LDB2: variants seen among roughly 807,000 people sequenced by gnomAD.
LDB2 encodes LIM domain-binding protein 2.
In LDB2, 12 loss-of-function variants were observed where a neutral mutation model predicts 44.3. The observed-to-expected ratio is 0.27, with a 90% CI of 0.17 to 0.44. The LOEUF (loss-of-function observed/expected upper bound fraction) is 0.44, where lower values mean the gene tolerates loss of function less well. Ranked by LOEUF, LDB2 falls within the 20% of genes least tolerant of loss-of-function variation. The probability of loss-of-function intolerance (pLI) is 1.00; values close to 1 mark genes in which losing one functional copy is unlikely to be tolerated. For missense variants in LDB2, 344 were observed against 473.5 expected (o/e 0.73, Z 2.54); for synonymous variants, 164 against 174.8 (o/e 0.94, Z 0.49).
chr4:16,661,140 A>G (rs1287088290), intron 2 of LDB2, among the ~76,000 whole-genome samples: 1 of 152,190 alleles, frequency 6.6e-6, no homozygotes, highest in East Asian at 1.9e-4. Context: ...AGTACATTGT[A>G]CAAGATTCAT....
intron 2 of LDB2, among the ~76,000 whole-genome samples, chr4:16,663,864 A>G (rs182945987): frequency 2.0e-5 from 3 of 152,308 alleles, no homozygotes; most frequent in East Asian, 3.9e-4. Context: ...AATGAGTAGA[A>G]TCTGTCTTTT....
intron 5 of LDB2, among the ~76,000 whole-genome samples, chr4:16,546,260 T>G (rs1735695564): frequency 6.6e-6 from 1 of 152,230 alleles, no homozygotes. Context: ...GATAGCCATT[T>G]TGCATTTAAG....
At chr4:16,520,865 ACCATTCAAGGCC>A (rs1457633984) in intron 5 of LDB2, among the ~76,000 whole-genome samples, 1 of 152,030 alleles carries the variant, frequency 6.6e-6, no homozygotes, top group Admixed American at 6.6e-5. Context: ...CCATGAAGAG[ACCATTCAAGGCC>A]CCTTCTGTTC....
intron 2 of LDB2, among the ~76,000 whole-genome samples, chr4:16,645,139 G>C (rs1479334048): frequency 6.6e-6 from 1 of 152,208 alleles, no homozygotes; most frequent in African/African-American, 2.4e-5. Context: ...ACACCTTTTA[G>C]GCAAAAGATC....
At chr4:16,526,048 T>G (rs957875777) in intron 5 of LDB2, among the ~76,000 whole-genome samples, 1 of 152,200 alleles carries the variant, frequency 6.6e-6, no homozygotes, top group Non-Finnish European at 1.5e-5. Context: ...GGTGTCAACT[T>G]GACTGGATTA....
At chr4:16,619,298 C>A (rs1728210288) in intron 2 of LDB2, among the ~76,000 whole-genome samples, 1 of 152,130 alleles carries the variant, frequency 6.6e-6, no homozygotes, top group Admixed American at 6.5e-5. Context: ...AGGCTACAGA[C>A]CCTGATCAGG....
intron 5 of LDB2, among the ~76,000 whole-genome samples, chr4:16,581,049 A>G (rs994154878): frequency 1.3e-5 from 2 of 152,220 alleles, no homozygotes; most frequent in Non-Finnish European, 2.9e-5. Context: ...TGATGAAATG[A>G]AAGCGAAGAA....
At chr4:16,571,872 G>A (rs1207665128) in intron 5 of LDB2, among the ~76,000 whole-genome samples, 1 of 152,164 alleles carries the variant, frequency 6.6e-6, no homozygotes, top group Non-Finnish European at 1.5e-5. Flanking sequence ...TCTAGATCAA[G>A]ACCAGGGACA....
intron 2 of LDB2, among the ~76,000 whole-genome samples, chr4:16,725,430 G>A (rs763918126): frequency 3.9e-5 from 6 of 152,000 alleles, no homozygotes; most frequent in Non-Finnish European, 7.4e-5. Flanking sequence ...AAACAACCCA[G>A]GAAGACAACC....
chr4:16,561,874 T>C (rs767650366), intron 5 of LDB2, among the ~76,000 whole-genome samples: 2 of 152,094 alleles, frequency 1.3e-5, no homozygotes, highest in Admixed American at 6.5e-5. Context: ...AACAGAGATA[T>C]AGACCAATGG....
intron 1 of LDB2, among the ~76,000 whole-genome samples, chr4:16,878,792 G>A (rs575318885): frequency 2.6e-5 from 4 of 152,200 alleles, no homozygotes; most frequent in East Asian, 1.9e-4. Flanking sequence ...TCTTGGCATC[G>A]CATGTCCAAT....
intron 1 of LDB2, among the ~76,000 whole-genome samples, chr4:16,852,731 C>G (rs908631343): frequency 6.6e-6 from 1 of 151,978 alleles, no homozygotes; most frequent in Non-Finnish European, 1.5e-5. Flanking sequence ...TCTTTTGGGA[C>G]TAAAAACTTT....
rs1272919242 is a variant in LDB2, at chr4:16,582,888, G to T, written c.615+3034C>A. Reference sequence around the variant, plus strand: ...AACCTTGTCATGCTGGGATGCGACAGGAGGGAACGACAAGAGGGAACAGCA... The same window carrying T: ...AACCTTGTCATGCTGGGATGCGACATGAGGGAACGACAAGAGGGAACAGCA... On this transcript the variant is annotated intron_variant, in intron 5 of 7. Transcript: ENST00000304523. The surrounding 1 kb of genome is among the most constrained non-coding windows in gnomAD (Gnocchi z 4.8). Among the ~76,000 whole-genome samples the T allele has an allele frequency of 2.0e-5, 3 of 152,120 alleles. No individual in the cohort carries two copies. Among genetic ancestry groups the T allele is most frequent in the Non-Finnish European group, 4.4e-5 (3 of 68,028 alleles).
intron 1 of LDB2, among the ~76,000 whole-genome samples, chr4:16,809,814 G>T (rs1052336153): frequency 1.3e-5 from 2 of 152,148 alleles, no homozygotes; most frequent in Admixed American, 6.6e-5. Context: ...CTTGTCAAAA[G>T]GATTTATTGA....
intron 5 of LDB2, among the ~76,000 whole-genome samples, chr4:16,556,022 CCT>C (rs1739450556): frequency 6.6e-6 from 1 of 152,116 alleles, no homozygotes; most frequent in Non-Finnish European, 1.5e-5. Context: ...ATGTTCTTCC[CCT>C]GTTTCTCCTC....
chr4:16,749,558 C>CAAAAAAAAAAAAAAA (rs1287627062), intron 2 of LDB2, among the ~76,000 whole-genome samples: 2 of 75,566 alleles, frequency 2.6e-5, no homozygotes, highest in Admixed American at 1.5e-4. Context: ...GACTCCATCT[C>CAAAAAAAAAAAAAAA]AAAAAAAAAA....
intron 2 of LDB2, among the ~76,000 whole-genome samples, chr4:16,704,561 C>T (rs1446315331): frequency 6.6e-6 from 1 of 152,150 alleles, no homozygotes; most frequent in African/African-American, 2.4e-5. Context: ...TATCTATTCC[C>T]ATAGCTTGTA....
chr4:16,741,499 G>A (rs569510314), intron 2 of LDB2: 1 of 152,340 alleles, frequency 6.6e-6, no homozygotes, highest in South Asian at 2.1e-4. Flanking sequence ...TCCTCCAGAG[G>A]GAACTAGGGA....
chr4:16,824,974 T>C (rs1461767877), intron 1 of LDB2, among the ~76,000 whole-genome samples: 2 of 152,244 alleles, frequency 1.3e-5, no homozygotes, highest in African/African-American at 2.4e-5. Flanking sequence ...AAATAGTACC[T>C]GGTATATGGT....
Sources: gnomAD v4.1 joint callset for allele counts (sites outside exome capture counted in the v4.1 genomes callset) on GRCh38, gnomAD v4.1.1 for gene constraint, Gnocchi (gnomAD v3.1) non-coding constraint, MANE v1.5 for transcripts, NCBI Gene and HGNC (gene_info 2026-07-23, HGNC 2026-07-21) for gene names.